Variants in CC2D2A observed in about 807,000 individuals in gnomAD.
CC2D2A encodes coiled-coil and C2 domain-containing protein 2A.
A neutral mutation model predicts 212.9 loss-of-function variants in CC2D2A; 155 were observed. That is an observed-to-expected ratio of 0.73 (90% CI 0.64 to 0.83). CC2D2A has a LOEUF of 0.83. Ranked by LOEUF, CC2D2A falls within the 40% of genes least tolerant of loss-of-function variation. The pLI, the probability that CC2D2A is intolerant of heterozygous loss-of-function variation, is 0.00. For missense variants in CC2D2A, 1,856 were observed against 1,956.2 expected (o/e 0.95, Z 0.97); for synonymous variants, 667 against 686.5 (o/e 0.97, Z 0.44).
rs35816693 is a variant in CC2D2A at position 15,596,428 on chromosome 4, T to TAA, written c.4437+223_4437+224dup. Among the ~76,000 whole-genome samples, 44,864 of 152,016 alleles carry TAA rather than the reference T, an allele frequency of 0.3. 7,308 individuals are homozygous for TAA. Among genetic ancestry groups the TAA allele is most frequent in the Non-Finnish European group, 0.37 (25,177 of 67,928 alleles). On this transcript the variant is annotated intron_variant, in intron 34 of 36. Transcript: ENST00000424120. ...ACATGTGGAAGAAAAAGTTTTGATA[T>TAA]AAAGTTTCATGACATAAAAAGTACC...
chr4:15,511,082 T>C (rs530103893), intron 7 of CC2D2A, among the ~76,000 whole-genome samples, 165 bp from the exon 8 acceptor site: 1 of 152,338 alleles, frequency 6.6e-6, no homozygotes, highest in Non-Finnish European at 1.5e-5. Context: ...GTGGCAGATA[T>C]TAAAGTTTAT....
intron 32 of CC2D2A, among the ~76,000 whole-genome samples, chr4:15,588,663 T>C (rs1267777274): frequency 6.6e-6 from 1 of 152,132 alleles, no homozygotes; most frequent in Non-Finnish European, 1.5e-5. Context: ...TTCTCCATCA[T>C]TATCTCCCAG....
At position 15,550,981 on chromosome 4, in the gene CC2D2A, G is replaced by C. The variant is rs2109050324; in HGVS notation, c.2338+1G>C. The C allele has an allele frequency of 6.3e-7, 1 of 1,583,990 alleles. No individual in the cohort carries two copies. The highest frequency in any genetic ancestry group is 1.1e-5 in the South Asian group (1 of 88,380). ...CTGGACCACGAGGGAGTTGGAAGTG[G>C]TATGGAAAGCTAATATCTTCAATGG... is the stretch of plus-strand genomic sequence containing the variant. On this transcript the variant is annotated splice_donor_variant, in intron 18 of 36. Coordinates refer to ENST00000424120, the MANE Select transcript of CC2D2A (RefSeq NM_001378615.1). LOFTEE classifies it high-confidence loss of function.
rs540395402 is a variant in CC2D2A at position 15,541,853 on chromosome 4, G to C, written c.2181+839G>C. Among the ~76,000 whole-genome samples the C allele has an allele frequency of 1.5e-3, 230 of 152,116 alleles. 3 individuals are homozygous for C. The highest frequency in any genetic ancestry group is 5.3e-3 in the African/African-American group (219 of 41,484). ...AACTATAACAAGGAACCACTAACTT[G>C]GTGGCTTCAAAACAACAGAAATGTG... On this transcript the variant is annotated intron_variant, in intron 17 of 36. Transcript: ENST00000424120.
Position 15,538,880 on chromosome 4 carries a change from T to G in CC2D2A, c.2003+743T>G, listed in dbSNP as rs1718275649. ...AAGTATAGCCCCAGAATCAGCAGCA[T>G]CAGCATCACTGAGGACTTGTTAGAA... is the stretch of plus-strand genomic sequence containing the variant. On this transcript the variant is annotated intron_variant, in intron 16 of 36. Transcript: ENST00000424120. 2.0e-5 allele frequency among the ~76,000 whole-genome samples: 3 copies of G among 152,146 alleles called. No individual in the cohort carries two copies. The South Asian group carries it at 6.2e-4, about 32-fold the overall frequency.
At chr4:15,499,306 A>G (rs1473532920) in intron 4 of CC2D2A, among the ~76,000 whole-genome samples, 15 of 152,186 alleles carry the variant, frequency 9.9e-5, no homozygotes, top group Admixed American at 9.2e-4. Flanking sequence ...ATTGTAATGA[A>G]TGTGCCACTC....
chr4:15,550,642 A>G, intron 17 of CC2D2A, 182 bp from the exon 18 acceptor site: 1 of 409,122 alleles, frequency 2.4e-6, no homozygotes. Context: ...CTTGACCACA[A>G]ACAGTTGTAA....
rs780814559 is a variant in CC2D2A, at chr4:15,537,008, G to T, written c.1696G>T (p.Glu566Ter). The change falls in exon 15 of 37, where the codon GAG becomes TAG. Residue 566 changes from glutamate (E) to a stop codon, truncating the protein, a stop_gained. Transcript: ENST00000424120. LOFTEE classifies it high-confidence loss of function. Reference protein sequence around the residue: ...ISELLEEHTEEYAQKMEEYRT... With the variant: ...ISELLEEHTE ...TGAACTGTTAGAAGAGCACACGGAG[G>T]AGTACGCACAGAAGATGGAAGAATA... 6.2e-7 allele frequency: 1 copy of T among 1,613,666 alleles called. No individual in the cohort carries two copies. Among genetic ancestry groups the T allele is most frequent in the Non-Finnish European group, 8.5e-7 (1 of 1,179,760 alleles).
At chr4:15,510,740 C>G (rs1716524597) in intron 7 of CC2D2A, among the ~76,000 whole-genome samples, 1 of 152,096 alleles carries the variant, frequency 6.6e-6, no homozygotes, top group African/African-American at 2.4e-5. Flanking sequence ...TGAGGGAGTG[C>G]ATGGAAAGAC....
intron 14 of CC2D2A, among the ~76,000 whole-genome samples, chr4:15,533,768 T>A (rs560639119): frequency 2.0e-5 from 3 of 152,342 alleles, no homozygotes; most frequent in Admixed American, 1.3e-4. Context: ...CTTCATTATA[T>A]GAATATAGCC....
chr4:15,492,284 C>T (rs1715346983), intron 4 of CC2D2A, among the ~76,000 whole-genome samples: 1 of 152,148 alleles, frequency 6.6e-6, no homozygotes, highest in Non-Finnish European at 1.5e-5. Flanking sequence ...TTACTTCTCA[C>T]TCTCTCTACT....
intron 2 of CC2D2A, 105 bp downstream of exon 2, chr4:15,476,076 A>G: frequency 1.1e-6 from 1 of 907,768 alleles, no homozygotes; most frequent in East Asian, 2.7e-5. Flanking sequence ...TCTATTGCAC[A>G]TGTTAAAAGA....
intron 33 of CC2D2A, among the ~76,000 whole-genome samples, chr4:15,590,423 G>A (rs1435255443): frequency 6.6e-6 from 1 of 152,166 alleles, no homozygotes; most frequent in Admixed American, 6.5e-5. Flanking sequence ...GCTGAGGCAG[G>A]AGAATTGCTT....
At chr4:15,475,098 A>T (rs1376425152) in intron 1 of CC2D2A, among the ~76,000 whole-genome samples, 1 of 152,118 alleles carries the variant, frequency 6.6e-6, no homozygotes, top group Non-Finnish European at 1.5e-5. Flanking sequence ...ACATGGTGAA[A>T]CCCTGTCTCT....
At position 15,559,882 on chromosome 4, in the gene CC2D2A, A is replaced by G. The variant is rs576803922; in HGVS notation, c.2922+625A>G. On this transcript the variant is annotated intron_variant, in intron 22 of 36. Transcript: ENST00000424120. ...GGCTTTGTCGCCCAGGCTGAAGTGC[A>G]GTAGTGTAGTGTGATCTCAGTTCAC... Among the ~76,000 whole-genome samples, 381 of 152,230 alleles carry G rather than the reference A, an allele frequency of 2.5e-3. 3 individuals carry two copies. Among genetic ancestry groups the G allele is most frequent in the African/African-American group, 8.8e-3 (366 of 41,540 alleles).
intron 4 of CC2D2A, chr4:15,481,243 T>A (rs769167379): frequency 5.9e-5 from 27 of 454,800 alleles, no homozygotes; most frequent in South Asian, 4.2e-4. Context: ...GCACGGTGAC[T>A]CACGTCTGTA....
chr4:15,514,505 G>A (rs1277095181), intron 8 of CC2D2A, among the ~76,000 whole-genome samples: 1 of 152,144 alleles, frequency 6.6e-6, no homozygotes, highest in Non-Finnish European at 1.5e-5. Flanking sequence ...TTCCAGGTGT[G>A]CAGAATACTG....
At chr4:15,485,460 G>C (rs141987930) in intron 4 of CC2D2A, among the ~76,000 whole-genome samples, 69 of 152,278 alleles carry the variant, frequency 4.5e-4, no homozygotes, top group African/African-American at 1.6e-3. Context: ...ATATCTCTTT[G>C]ATATACTGCT....
At position 15,574,140 on chromosome 4, in the gene CC2D2A, T is replaced by A. The variant is rs1328280736; in HGVS notation, c.3595-10T>A. The stretch of plus-strand genomic sequence containing the variant: ...ATCAGGATGTTTACCAAGTCATATT[T>A]TCTTCACAGATTGATGGAACATTTA... On this transcript the variant is annotated splice_polypyrimidine_tract_variant and intron_variant, in intron 28 of 36. Transcript: ENST00000424120. 1 of 1,533,754 alleles carries A rather than the reference T, an allele frequency of 6.5e-7. No individual in the cohort carries two copies.
Sources: gnomAD v4.1 joint callset for allele counts (sites outside exome capture counted in the v4.1 genomes callset) on GRCh38, gnomAD v4.1.1 for gene constraint, MANE v1.5 for transcripts, NCBI Gene and HGNC (gene_info 2026-07-23, HGNC 2026-07-21) for gene names.